PLCG2: variants seen among roughly 807,000 people sequenced by gnomAD.
The protein encoded by PLCG2 is 1-phosphatidylinositol 4,5-bisphosphate phosphodiesterase gamma-2.
In PLCG2, 69 loss-of-function variants were observed where a neutral mutation model predicts 175.6. That is an observed-to-expected ratio of 0.39 (90% CI 0.32 to 0.48). The LOEUF (loss-of-function observed/expected upper bound fraction) is 0.48. Among genes scored for constraint, PLCG2 ranks in the 20% least tolerant of loss-of-function variants. PLCG2 has a pLI of 0.91. For missense variants in PLCG2, 1,798 were observed against 1,650.9 expected (o/e 1.09, Z -1.54); for synonymous variants, 827 against 624.0 (o/e 1.33, Z -4.85).
chr16:81,957,295 TCAAACAAA>T (rs140592379), intron 32 of PLCG2, among the ~76,000 whole-genome samples: 1,993 of 151,816 alleles, frequency 0.013, 51 homozygotes, highest in African/African-American at 0.046. Context: ...GGAGACTCTG[TCAAACAAA>T]CAAACAAACA....
chr16:81,900,354 G>GA (rs1252701841), intron 13 of PLCG2, among the ~76,000 whole-genome samples: 1 of 152,188 alleles, frequency 6.6e-6, no homozygotes, highest in African/African-American at 2.4e-5. Context: ...TGAATAGATG[G>GA]AAAAAAATAC....
intron 18 of PLCG2, among the ~76,000 whole-genome samples, chr16:81,912,070 T>A (rs1376437595): frequency 1.3e-5 from 2 of 152,124 alleles, no homozygotes; most frequent in East Asian, 3.9e-4. Flanking sequence ...GTGCTGGGAT[T>A]ACAGGCGTGA....
At chr16:81,812,101 C>G (rs9746937) in intron 2 of PLCG2, among the ~76,000 whole-genome samples, 126,911 of 144,844 alleles carry the variant, frequency 0.88, 55,642 homozygotes, top group East Asian at 0.94. Flanking sequence ...CCAGGCTGGA[C>G]TGCAGTGGCG....
At chr16:81,812,094 G>A (rs1246009023) in intron 2 of PLCG2, among the ~76,000 whole-genome samples, 2 of 133,188 alleles carry the variant, frequency 1.5e-5, no homozygotes, top group African/African-American at 5.8e-5. Flanking sequence ...CTTTTGCCCA[G>A]GCTGGACTGC....
Position 81,870,910 on chromosome 16 carries a change from A to G in PLCG2, c.623A>G (p.Lys208Arg). ...SFEQFHLFYK[K>R]LMFEQQKSIL... ...GAACAGTTCCATCTCTTCTATAAAA[A>G]ACTTATGTTTGAACAGCAAAAATCG... is the stretch of plus-strand genomic sequence containing the variant. The change falls in exon 7 of 33, where the codon AAA becomes AGA. Residue 208 changes from lysine to arginine, a missense_variant. Physicochemically the swap from Lys to Arg is conservative, Grantham distance 26. Transcript: ENST00000564138. 2 of 1,598,626 alleles carry G rather than the reference A, an allele frequency of 1.3e-6. No homozygotes were observed. Among genetic ancestry groups the G allele is most frequent in the East Asian group, 2.3e-5 (1 of 44,432 alleles).
chr16:81,912,089 G>T (rs951227181), intron 18 of PLCG2, among the ~76,000 whole-genome samples: 1 of 152,042 alleles, frequency 6.6e-6, no homozygotes, highest in Non-Finnish European at 1.5e-5. Context: ...GAGCCACCAC[G>T]CCTGGCCCAA....
intron 2 of PLCG2, among the ~76,000 whole-genome samples, chr16:81,826,806 G>A (rs896248856): frequency 4.6e-5 from 7 of 152,158 alleles, no homozygotes; most frequent in Non-Finnish European, 8.8e-5. Context: ...CAGCTTTACC[G>A]TGATTTTCTA....
At chr16:81,857,075 C>A (rs1451534394) in intron 3 of PLCG2, among the ~76,000 whole-genome samples, 3 of 144,234 alleles carry the variant, frequency 2.1e-5, no homozygotes, top group African/African-American at 7.4e-5. Flanking sequence ...GAAAATAAAT[C>A]TATATTACTT....
intron 2 of PLCG2, among the ~76,000 whole-genome samples, chr16:81,853,314 G>C (rs1385649060): frequency 2.1e-5 from 3 of 145,000 alleles, no homozygotes; most frequent in Non-Finnish European, 4.5e-5. Flanking sequence ...CTGGGTGACA[G>C]AGTGAGATTC....
Position 81,877,181 on chromosome 16 carries a change from A to G in PLCG2, c.649-3729A>G, listed in dbSNP as rs117476144. The stretch of plus-strand genomic sequence containing the variant: ...CTTAAAAATAACAGAAGTGTCGGGC[A>G]CGGTGGCTCACGCCTGTAATCCCAG... On this transcript the variant is annotated intron_variant, in intron 7 of 32. Coordinates refer to ENST00000564138, the MANE Select transcript of PLCG2 (RefSeq NM_002661.5). Among the ~76,000 whole-genome samples, 279 of 152,326 alleles carry G rather than the reference A, an allele frequency of 1.8e-3. 9 individuals carry two copies. The East Asian group carries it at 0.04, about 22-fold the overall frequency.
At chr16:81,770,627 A>G (rs184592956) in intron 2 of PLCG2, among the ~76,000 whole-genome samples, 1 of 152,188 alleles carries the variant, frequency 6.6e-6, no homozygotes, top group East Asian at 1.9e-4. Context: ...AGGTGGGAGG[A>G]TTGTATGAGC....
chr16:81,790,795 GC>G (rs1235669004), intron 2 of PLCG2, among the ~76,000 whole-genome samples: 5 of 152,080 alleles, frequency 3.3e-5, no homozygotes, highest in African/African-American at 1.2e-4. Flanking sequence ...AGGGTAGGGG[GC>G]ATTTGGCAAA....
intron 21 of PLCG2, chr16:81,921,689 T>C (rs1910068620): frequency 3.7e-6 from 1 of 268,196 alleles, no homozygotes; most frequent in Non-Finnish European, 7.3e-6. Flanking sequence ...GGGATGGATT[T>C]TACTTTCAGC....
intron 13 of PLCG2, among the ~76,000 whole-genome samples, chr16:81,899,879 T>G (rs911198532): frequency 2.6e-5 from 4 of 152,216 alleles, no homozygotes; most frequent in Non-Finnish European, 5.9e-5. Flanking sequence ...AGATATTGAT[T>G]CATTGAGGAA....
At chr16:81,760,766 T>TAAAAAA (rs1555562071) in intron 2 of PLCG2, among the ~76,000 whole-genome samples, 2 of 91,546 alleles carry the variant, frequency 2.2e-5, no homozygotes, top group East Asian at 2.7e-4. Flanking sequence ...AAAATAATAA[T>TAAAAAA]AATAATAATA....
At chr16:81,804,061 G>A (rs1322116864) in intron 2 of PLCG2, among the ~76,000 whole-genome samples, 4 of 152,116 alleles carry the variant, frequency 2.6e-5, no homozygotes, top group Non-Finnish European at 5.9e-5. Context: ...CATTTCTCTT[G>A]GCTCTTTGCC....
rs1163645679 is a variant in PLCG2, at chr16:81,936,175, C to G, written c.2849C>G (p.Pro950Arg). The G allele has an allele frequency of 8.1e-6, 13 of 1,613,856 alleles. No homozygotes were observed. Among genetic ancestry groups the G allele is most frequent in the Middle Eastern group, 1.6e-4 (1 of 6,084 alleles). ...CCTTTTTCTCTGTGTGCAGAAAATC[C>G]TGACTTCCGAGAAATCCGCTCCTTT... ...TSKTKDNLENPDFREIRSFVE... is the reference protein window; with the variant it reads ...TSKTKDNLENRDFREIRSFVE... The change falls in exon 27 of 33, where the codon CCT becomes CGT. Residue 950 changes from proline (P) to arginine (R), a missense_variant. Physicochemically the swap from Pro to Arg is moderately radical, Grantham distance 103 (BLOSUM62 -2). Coordinates refer to ENST00000564138, the MANE Select transcript of PLCG2 (RefSeq NM_002661.5).
intron 2 of PLCG2, among the ~76,000 whole-genome samples, chr16:81,835,095 G>C (rs1597345236): frequency 6.6e-6 from 1 of 152,104 alleles, no homozygotes; most frequent in Non-Finnish European, 1.5e-5. Flanking sequence ...CACTTACTTG[G>C]TTTGGTGTCA....
At chr16:81,814,473 A>C (rs946625771) in intron 2 of PLCG2, among the ~76,000 whole-genome samples, 4 of 152,110 alleles carry the variant, frequency 2.6e-5, no homozygotes. Flanking sequence ...CGGGCAGATC[A>C]CATGAGGTCA....
Sources: gnomAD v4.1 joint callset for allele counts (sites outside exome capture counted in the v4.1 genomes callset) on GRCh38, gnomAD v4.1.1 for gene constraint, MANE v1.5 for transcripts, NCBI Gene and HGNC (gene_info 2026-07-23, HGNC 2026-07-21) for gene names.